Variants in CDC16 observed in about 807,000 individuals in gnomAD.
The protein encoded by CDC16 is cell division cycle 16.
Under a neutral mutation model 87.0 loss-of-function variants are expected in CDC16, and 34 were observed. The observed-to-expected ratio is 0.39, with a 90% CI of 0.30 to 0.52. CDC16 has a LOEUF of 0.52. Ranked by LOEUF, CDC16 falls within the 20% of genes least tolerant of loss-of-function variation. The probability of loss-of-function intolerance (pLI) is 0.74; values close to 1 mark genes in which losing one functional copy is unlikely to be tolerated. For missense variants in CDC16, 653 were observed against 751.9 expected, an observed-to-expected ratio of 0.87 and a Z score of 1.54; for synonymous variants, 263 against 260.6, an observed-to-expected ratio of 1.01 and a Z score of -0.09.
At chr13:114,264,576 A>G (rs1438664894) in intron 16 of CDC16, among the ~76,000 whole-genome samples, 5 of 152,136 alleles carry the variant, frequency 3.3e-5, no homozygotes, top group Non-Finnish European at 7.4e-5. Context: ...AAGGAAAAAA[A>G]TACAGAAGGC....
At chr13:114,270,005 A>C (rs547306771) in intron 17 of CDC16, among the ~76,000 whole-genome samples, 40 of 152,318 alleles carry the variant, frequency 2.6e-4, no homozygotes, top group Admixed American at 3.3e-4. Context: ...CACGCCCAAC[A>C]AATTTCACAG....
chr13:114,250,143 A>T (rs1185380631), intron 11 of CDC16, among the ~76,000 whole-genome samples: 4 of 152,144 alleles, frequency 2.6e-5, no homozygotes, highest in African/African-American at 9.7e-5. Flanking sequence ...AGCTATGATC[A>T]TACCACTGCA....
Position 114,254,558 on chromosome 13 carries a change from A to ACATT in CDC16, c.1098-2519_1098-2516dup, listed in dbSNP as rs544636846. Among the ~76,000 whole-genome samples, 273 of 152,312 alleles carry ACATT rather than the reference A, an allele frequency of 1.8e-3. 1 individual carries two copies. Among genetic ancestry groups the ACATT allele is most frequent in the Non-Finnish European group, 3.4e-3 (234 of 68,026 alleles). On this transcript the variant is annotated intron_variant, in intron 12 of 17. Transcript: ENST00000356221. ...TAGTGTCATATAGAATACATCTTAC[A>ACATT]CATTATAAGTCCATCAGCACAGATC...
intron 6 of CDC16, 78 bp downstream of exon 6, chr13:114,242,358 A>G (rs1314569953): frequency 7.4e-7 from 1 of 1,360,014 alleles, no homozygotes; most frequent in African/African-American, 1.5e-5. Flanking sequence ...GAAATCTTCT[A>G]AGTCAACAAC....
At chr13:114,239,564 C>T (rs1336598761) in intron 5 of CDC16, 74 bp downstream of exon 5, 4 of 1,383,860 alleles carry the variant, frequency 2.9e-6, no homozygotes, top group African/African-American at 2.9e-5. Context: ...AACACATTAT[C>T]TTCTTTTACT....
rs1448982744 is a variant in CDC16 at position 114,250,628 on chromosome 13, G to A, written c.1051G>A (p.Asp351Asn). The A allele has an allele frequency of 6.2e-7, 1 of 1,614,080 alleles. No homozygotes were observed. Among genetic ancestry groups the A allele is most frequent in the Non-Finnish European group, 8.5e-7 (1 of 1,179,982 alleles). Residue 351 changes from aspartate (D) to asparagine (N), a missense_variant, in exon 12 of 18, where the codon GAC becomes AAC. By Grantham distance (23) the Asp-to-Asn change is conservative. Coordinates refer to ENST00000356221, the MANE Select transcript of CDC16 (RefSeq NM_001078645.3). The part of the protein sequence containing the change: ...GHSFAVESEH[D>N]QAMAAYFTAA... ...TTCATTTGCGGTGGAGAGTGAGCAC[G>A]ACCAAGCGATGGCTGCTTACTTCAC...
chr13:114,237,879 T>C (rs74116843), intron 3 of CDC16, among the ~76,000 whole-genome samples: 3,727 of 152,304 alleles, frequency 0.024, 159 homozygotes, highest in African/African-American at 0.085. Flanking sequence ...TGAGTAGTCT[T>C]TAAAACACGG....
At chr13:114,239,534 T>TG in intron 5 of CDC16, 44 bp downstream of exon 5, 1 of 1,471,638 alleles carries the variant, frequency 6.8e-7, no homozygotes, top group Non-Finnish European at 9.1e-7. Context: ...CGGCGAGAAT[T>TG]GCCCTCATTA....
intron 16 of CDC16, chr13:114,264,197 T>C (rs951547178): frequency 6.6e-6 from 1 of 152,218 alleles, no homozygotes; most frequent in Non-Finnish European, 1.5e-5. Context: ...TGTATGATCT[T>C]TTAAATATGT....
intron 17 of CDC16, among the ~76,000 whole-genome samples, chr13:114,265,978 G>C (rs1490979601): frequency 2.0e-5 from 3 of 152,174 alleles, no homozygotes; most frequent in Non-Finnish European, 4.4e-5. Context: ...ACCACGCCTA[G>C]CTAATTATGT....
At position 114,234,900 on chromosome 13, in the gene CDC16, G is replaced by T. The variant is rs2081157838; in HGVS notation, c.-185G>T. 1 of 389,376 alleles carries T rather than the reference G, an allele frequency of 2.6e-6. No homozygotes were observed. The highest frequency in any genetic ancestry group is 2.1e-5 in the African/African-American group (1 of 47,522). The allele number at this position is 389,376 out of a possible 1,614,324, so 24.1% of individuals were successfully genotyped here. ...CCTGGAGCGGAAGAGCCTGGGCAGT[G>T]CACGGGGCCTGGGTGGGGGGTGCGG... On this transcript the variant is annotated 5_prime_UTR_variant, in exon 1 of 18. Transcript: ENST00000356221.
chr13:114,271,212 C>T (rs540706438), intron 17 of CDC16, among the ~76,000 whole-genome samples: 6 of 152,136 alleles, frequency 3.9e-5, no homozygotes, highest in African/African-American at 1.2e-4. Context: ...TGAGCCATCG[C>T]GCCCGGCCAA....
intron 12 of CDC16, among the ~76,000 whole-genome samples, chr13:114,252,984 A>T (rs1009820478): frequency 5.9e-5 from 9 of 152,258 alleles, no homozygotes; most frequent in Non-Finnish European, 1.2e-4. Context: ...AAAAAAATTT[A>T]AAATTAGCTG....
chr13:114,242,995 T>C (rs1322990864), intron 6 of CDC16, among the ~76,000 whole-genome samples: 1 of 151,980 alleles, frequency 6.6e-6, no homozygotes, highest in Non-Finnish European at 1.5e-5. Flanking sequence ...CAGTCAGGAG[T>C]GCGGAGGCTG....
chr13:114,240,707 G>A (rs890382800), intron 5 of CDC16, among the ~76,000 whole-genome samples: 2 of 152,012 alleles, frequency 1.3e-5, no homozygotes, highest in Non-Finnish European at 2.9e-5. Context: ...TTTCACCTTA[G>A]ATAGTTATTT....
intron 11 of CDC16, among the ~76,000 whole-genome samples, chr13:114,248,890 C>T (rs1373272672): frequency 3.3e-5 from 5 of 151,884 alleles, no homozygotes; most frequent in Admixed American, 1.3e-4. Flanking sequence ...TTTGATCTAG[C>T]GTGCAATTCA....
At chr13:114,267,359 G>A (rs1054658360) in intron 17 of CDC16, among the ~76,000 whole-genome samples, 1 of 151,910 alleles carries the variant, frequency 6.6e-6, no homozygotes, top group Admixed American at 6.6e-5. Flanking sequence ...AAACTGGCCA[G>A]GCATAGTGGC....
chr13:114,242,653 A>T (rs2081610983), intron 6 of CDC16: 1 of 187,022 alleles, frequency 5.3e-6, no homozygotes, highest in Admixed American at 5.7e-5. Flanking sequence ...CTCCCAGGTG[A>T]TCCTAATGTA....
intron 17 of CDC16, among the ~76,000 whole-genome samples, chr13:114,269,990 G>A (rs1226827550): frequency 6.6e-6 from 1 of 152,212 alleles, no homozygotes; most frequent in Non-Finnish European, 1.5e-5. Context: ...ATAGGCGTGA[G>A]CCACCACGCC....
Sources: gnomAD v4.1 joint callset for allele counts (sites outside exome capture counted in the v4.1 genomes callset) on GRCh38, gnomAD v4.1.1 for gene constraint, MANE v1.5 for transcripts, NCBI Gene and HGNC (gene_info 2026-07-23, HGNC 2026-07-21) for gene names.